Variants in BRCA1 observed in about 807,000 individuals in gnomAD.
BRCA1 encodes breast cancer type 1 susceptibility protein.
BRCA1 carries 140 observed loss-of-function variants against 173.7 expected under a neutral mutation model. The ratio of observed to expected loss-of-function variants is 0.81; its 90% CI spans 0.70 to 0.93. The LOEUF (loss-of-function observed/expected upper bound fraction) is 0.93, where lower values mean the gene tolerates loss of function less well. Ranked by LOEUF, BRCA1 falls within the 40% of genes least tolerant of loss-of-function variation. The probability of loss-of-function intolerance (pLI) is 0.00; values close to 1 mark genes in which losing one functional copy is unlikely to be tolerated. For missense variants in BRCA1, 1,983 were observed against 2,172.5 expected, an observed-to-expected ratio of 0.91 and a Z score of 1.73; for synonymous variants, 662 against 756.0, an observed-to-expected ratio of 0.88 and a Z score of 2.04.
chr17:43,108,335 CAAA>C (rs34608699), intron 3 of BRCA1, among the ~76,000 whole-genome samples: 1 of 121,238 alleles, frequency 8.2e-6, no homozygotes, highest in Non-Finnish European at 1.8e-5. Context: ...GAGATTGTGC[CAAA>C]AAAAAAAAAA....
chr17:43,150,768 T>G (rs2056155620), intron 1 of BRCA1, among the ~76,000 whole-genome samples: 1 of 152,108 alleles, frequency 6.6e-6, no homozygotes, highest in African/African-American at 2.4e-5. Context: ...ATCTAAAAAT[T>G]TTGCAGCTTG....
intron 12 of BRCA1, among the ~76,000 whole-genome samples, chr17:43,080,647 A>T (rs1410501806): frequency 6.6e-6 from 1 of 152,040 alleles, no homozygotes; most frequent in Non-Finnish European, 1.5e-5. Context: ...TCTACAAAAA[A>T]TAAAAAAAAA....
intron 1 of BRCA1, among the ~76,000 whole-genome samples, chr17:43,142,903 C>T (rs1413375119): frequency 2.0e-5 from 3 of 148,830 alleles, no homozygotes; most frequent in African/African-American, 2.5e-5. Flanking sequence ...GCCACCATGC[C>T]CGGCTAATTT....
At position 43,124,003 on chromosome 17, in the gene BRCA1, T is replaced by C. The variant is rs1555600851; in HGVS notation, c.80+14A>G. 6.3e-7 allele frequency: 1 copy of C among 1,596,910 alleles called. No individual in the cohort carries two copies. The highest frequency in any genetic ancestry group is 8.6e-7 in the Non-Finnish European group (1 of 1,164,436). On this transcript the variant is annotated intron_variant, in intron 2 of 22. Coordinates refer to ENST00000357654, the MANE Select transcript of BRCA1 (RefSeq NM_007294.4). ...ATAGGAATCCCAAATTAATACACTC[T>C]TGTGCTGACTTACCAGATGGGACAC... is the stretch of plus-strand genomic sequence containing the variant.
intron 1 of BRCA1, chr17:43,133,279 ATTAT>A (rs2055986556): frequency 6.6e-6 from 1 of 152,134 alleles, no homozygotes; most frequent in African/African-American, 2.4e-5. Context: ...GCCAAAAGGG[ATTAT>A]TTAGGGCAGA....
At chr17:43,090,081 C>T (rs2053388896) in intron 11 of BRCA1, among the ~76,000 whole-genome samples, 1 of 151,100 alleles carries the variant, frequency 6.6e-6, no homozygotes, top group Admixed American at 6.6e-5. Context: ...AAGAAGTATC[C>T]ACAAAACAGT....
At chr17:43,079,728 A>G (rs1023548861) in intron 12 of BRCA1, 4 of 1,408,154 alleles carry the variant, frequency 2.8e-6, no homozygotes, top group Non-Finnish European at 3.0e-6. Flanking sequence ...GTGAGAACCA[A>G]TGGGAAGGAG....
intron 2 of BRCA1, among the ~76,000 whole-genome samples, chr17:43,121,336 C>G (rs1466264837): frequency 3.9e-5 from 6 of 152,102 alleles, no homozygotes; most frequent in Non-Finnish European, 7.4e-5. Context: ...GATCGTGCCA[C>G]TGCACTCCAG....
chr17:43,169,919 G>C, intron 1 of BRCA1: 1 of 438,124 alleles, frequency 2.3e-6, no homozygotes, highest in South Asian at 1.8e-5. Flanking sequence ...CAATGTTGAC[G>C]TTGGCCAGGA....
intron 6 of BRCA1, among the ~76,000 whole-genome samples, chr17:43,100,632 TTATATA>T (rs1325492180): frequency 2.3e-5 from 1 of 43,210 alleles, no homozygotes; most frequent in Admixed American, 3.0e-4. Context: ...TATATATATG[TTATATA>T]TATATAACAT....
Position 43,048,269 on chromosome 17 carries a change from C to G in BRCA1, c.5407-566G>C, listed in dbSNP as rs533361153. Among the ~76,000 whole-genome samples, 100 of 152,314 alleles carry G rather than the reference C, an allele frequency of 6.6e-4. 1 individual carries two copies. Among genetic ancestry groups the G allele is most frequent in the African/African-American group, 2.3e-3 (94 of 41,572 alleles). Reference sequence around the variant, plus strand: ...CCGGGCTGGAGTGCAGTGGCGCGATCTTGGCTCACTGCAACCTCCGCCTCC... The same window carrying G: ...CCGGGCTGGAGTGCAGTGGCGCGATGTTGGCTCACTGCAACCTCCGCCTCC... On this transcript the variant is annotated intron_variant, in intron 21 of 22. Coordinates refer to ENST00000357654, the MANE Select transcript of BRCA1 (RefSeq NM_007294.4).
chr17:43,152,407 G>C (rs535617553), intron 1 of BRCA1, among the ~76,000 whole-genome samples: 2 of 152,166 alleles, frequency 1.3e-5, no homozygotes, highest in African/African-American at 4.8e-5. Context: ...AGACGCAAGA[G>C]AAATTTGTTA....
At chr17:43,085,619 CCT>C (rs1433458607) in intron 11 of BRCA1, among the ~76,000 whole-genome samples, 1 of 152,112 alleles carries the variant, frequency 6.6e-6, no homozygotes, top group Admixed American at 6.6e-5. Context: ...TGCTGCCACT[CCT>C]CTTTTTCCAC....
chr17:43,122,818 G>A (rs1597921131), intron 2 of BRCA1, among the ~76,000 whole-genome samples: 2 of 151,936 alleles, frequency 1.3e-5, no homozygotes, highest in African/African-American at 4.8e-5. Context: ...AGGCCCAGGC[G>A]GGTGGATCAC....
rs398122694 is a variant in BRCA1, at chr17:43,051,110, C to A, written c.5285G>T (p.Arg1762Met). ...CCCATAGCAACAGATTTCTAGCCCC[C>A]TGAAGATCTGGAAGAAGAGAGGAAG... is the stretch of plus-strand genomic sequence containing the variant. Reference protein sequence around the residue: ...ARESQDRKIFRGLEICCYGPF... With the variant: ...ARESQDRKIFMGLEICCYGPF... Residue 1762 changes from arginine to methionine, a missense_variant, in exon 20 of 23, where the codon AGG (arginine) becomes ATG (methionine). Arg to Met is a moderately conservative substitution (Grantham distance 91). Transcript: ENST00000357654. The A allele has an allele frequency of 2.5e-6, 4 of 1,613,906 alleles. No individual in the cohort carries two copies. Among genetic ancestry groups the A allele is most frequent in the Non-Finnish European group, 3.4e-6 (4 of 1,179,878 alleles).
chr17:43,079,449 A>C (rs1467914773), intron 12 of BRCA1: 1 of 1,487,204 alleles, frequency 6.7e-7, no homozygotes, highest in Admixed American at 1.7e-5. Context: ...TACTGTTCAA[A>C]AAGGAATGCC....
In BRCA1 at chr17:43,091,541, G is replaced by C. The variant is rs876660808; in HGVS notation, c.3990C>G (p.Ser1330Arg). ...SSKQMRHQSE[S>R]QGVGLSDKEL... ...CCTTGTCACTCAGACCAACTCCCTG[G>C]CTTTCAGACTGATGCCTCATTTGTT... Residue 1330 changes from serine (S) to arginine (R), a missense_variant, in exon 10 of 23, where the codon AGC becomes AGG. Ser to Arg is a moderately radical substitution (Grantham distance 110). Coordinates refer to ENST00000357654, the MANE Select transcript of BRCA1 (RefSeq NM_007294.4). 1.2e-6 allele frequency: 2 copies of C among 1,614,106 alleles called. No individual in the cohort carries two copies. Among genetic ancestry groups the C allele is most frequent in the Non-Finnish European group, 1.7e-6 (2 of 1,180,020 alleles).
intron 11 of BRCA1, among the ~76,000 whole-genome samples, chr17:43,083,424 G>A (rs2053106686): frequency 6.6e-6 from 1 of 152,140 alleles, no homozygotes; most frequent in Admixed American, 6.5e-5. Context: ...CCAAAGTGCT[G>A]GGATTAGAGA....
chr17:43,075,845 G>C (rs753350860), intron 13 of BRCA1, among the ~76,000 whole-genome samples: 43 of 152,118 alleles, frequency 2.8e-4, no homozygotes, highest in Non-Finnish European at 4.4e-4. Flanking sequence ...ATGTTTTCTG[G>C]CTTTGGGAGG....
Sources: allele counts gnomAD v4.1 joint callset (sites outside exome capture counted in the v4.1 genomes callset), GRCh38; gene constraint gnomAD v4.1.1; transcripts MANE v1.5; gene names NCBI Gene and HGNC (gene_info 2026-07-23, HGNC 2026-07-21).